Variants in FAM117B observed in about 807,000 individuals in gnomAD.
FAM117B encodes the protein protein FAM117B.
FAM117B carries 22 observed loss-of-function variants against 52.8 expected under a neutral mutation model. The ratio of observed to expected loss-of-function variants is 0.42; its 90% CI spans 0.30 to 0.59. The LOEUF (loss-of-function observed/expected upper bound fraction) is 0.59. FAM117B is among the 20% of genes least tolerant of loss of function. The pLI, the probability that FAM117B is intolerant of heterozygous loss-of-function variation, is 0.22. For synonymous variants in FAM117B, 309 were observed against 324.1 expected (o/e 0.95, Z 0.50); for missense variants, 678 against 802.6 (o/e 0.84, Z 1.88).
intron 4 of FAM117B, among the ~76,000 whole-genome samples, chr2:202,734,816 A>G (rs1691414735): frequency 6.6e-6 from 1 of 152,230 alleles, no homozygotes; most frequent in African/African-American, 2.4e-5. Context: ...TTTCCTTGCC[A>G]ATTTCTTGTT....
intron 2 of FAM117B, among the ~76,000 whole-genome samples, chr2:202,698,423 CT>C (rs986064267): frequency 4.6e-5 from 7 of 151,576 alleles, no homozygotes; most frequent in African/African-American, 1.7e-4. Context: ...CTGAAATTGA[CT>C]TTTTTTTTCT....
At chr2:202,643,349 G>A (rs993182517) in intron 1 of FAM117B, among the ~76,000 whole-genome samples, 2 of 152,250 alleles carry the variant, frequency 1.3e-5, no homozygotes, top group Admixed American at 6.5e-5. Flanking sequence ...ACATGGTAGA[G>A]TCTGGAAATC....
chr2:202,682,826 T>C (rs914446694), intron 1 of FAM117B, among the ~76,000 whole-genome samples: 1 of 152,222 alleles, frequency 6.6e-6, no homozygotes, highest in Non-Finnish European at 1.5e-5. Flanking sequence ...AGTTGCAGAA[T>C]ATTTGGAACT....
Position 202,695,931 on chromosome 2 carries a change from A to G in FAM117B, c.652A>G (p.Thr218Ala). ...AAGCCCCTCCAGTATTATCCGACGC[A>G]CTTCCTCCCTGGATACTCTTGCTGC... is the stretch of plus-strand genomic sequence containing the variant. ...SSSPSSIIRR[T>A]SSLDTLAAPY... The change falls in exon 2 of 8, where the codon ACT becomes GCT. Residue 218 changes from threonine to alanine, a missense_variant. Around this residue, in one of 3 missense-constraint regions of FAM117B, gnomAD observed 583 missense variants for 644.8 expected, o/e 0.90. Transcript: ENST00000392238. 6.2e-7 allele frequency: 1 copy of G among 1,613,834 alleles called. No individual in the cohort carries two copies. Among genetic ancestry groups the G allele is most frequent in the Non-Finnish European group, 8.5e-7 (1 of 1,179,898 alleles).
At chr2:202,716,263 A>G (rs1450184649) in intron 2 of FAM117B, among the ~76,000 whole-genome samples, 1 of 150,692 alleles carries the variant, frequency 6.6e-6, no homozygotes, top group Non-Finnish European at 1.5e-5. Flanking sequence ...TTTTCAGCGT[A>G]TATAGTTTTT....
intron 2 of FAM117B, among the ~76,000 whole-genome samples, chr2:202,700,111 A>T (rs1186334969): frequency 6.6e-6 from 1 of 152,210 alleles, no homozygotes; most frequent in African/African-American, 2.4e-5. Context: ...ACACAACAGT[A>T]TTGAAATTAG....
In FAM117B at chr2:202,746,770, A is replaced by G. The variant is rs370360317; in HGVS notation, c.961-8768A>G. ...AGTAATAAAAATTGTCCCAACAAAGAAAAGCCCAGAACTAAATGGTTTTAC... is the reference window on the plus strand; with the variant it reads ...AGTAATAAAAATTGTCCCAACAAAGGAAAGCCCAGAACTAAATGGTTTTAC... On this transcript the variant is annotated intron_variant, in intron 4 of 7. Coordinates refer to ENST00000392238, the MANE Select transcript of FAM117B (RefSeq NM_173511.4). Among the ~76,000 whole-genome samples, 25 of 152,308 alleles carry G rather than the reference A, an allele frequency of 1.6e-4. No homozygotes were observed. The East Asian group carries it at 4.8e-3, about 29-fold the overall frequency.
intron 4 of FAM117B, among the ~76,000 whole-genome samples, chr2:202,740,088 G>A (rs1691500281): frequency 7.0e-6 from 1 of 142,864 alleles, no homozygotes. Context: ...CAGGAGAATG[G>A]CGTGCACCCA....
intron 7 of FAM117B, among the ~76,000 whole-genome samples, chr2:202,764,981 A>G (rs1691953783): frequency 6.6e-6 from 1 of 152,224 alleles, no homozygotes; most frequent in Non-Finnish European, 1.5e-5. Context: ...CGGACATTGT[A>G]TATCTTTAAT....
intron 1 of FAM117B, among the ~76,000 whole-genome samples, chr2:202,687,379 C>T (rs894846510): frequency 3.9e-5 from 6 of 151,996 alleles, no homozygotes; most frequent in African/African-American, 1.2e-4. Flanking sequence ...GATTTAATGG[C>T]GTATTTGGCT....
chr2:202,765,407 A>G, intron 7 of FAM117B, 39 bp from the exon 8 acceptor site: 1 of 1,486,214 alleles, frequency 6.7e-7, no homozygotes, highest in East Asian at 2.3e-5. Flanking sequence ...TTTTAAGTTC[A>G]GTGACTTAAA....
chr2:202,646,599 C>T (rs1388756384), intron 1 of FAM117B, among the ~76,000 whole-genome samples: 2 of 152,142 alleles, frequency 1.3e-5, no homozygotes, highest in Non-Finnish European at 2.9e-5. Context: ...TTCCATTTCT[C>T]AGGGAACCCA....
chr2:202,761,634 C>T (rs942544548), intron 7 of FAM117B, among the ~76,000 whole-genome samples: 1 of 152,176 alleles, frequency 6.6e-6, no homozygotes, highest in Non-Finnish European at 1.5e-5. Flanking sequence ...TCAAGCAATT[C>T]TCCTGTCTCA....
At chr2:202,677,814 G>T (rs1043753380) in intron 1 of FAM117B, among the ~76,000 whole-genome samples, 1 of 152,108 alleles carries the variant, frequency 6.6e-6, no homozygotes, top group Admixed American at 6.6e-5. Context: ...TTGAATTAAC[G>T]AATTGAGTAA....
At chr2:202,755,109 C>T (rs1454463258) in intron 4 of FAM117B, among the ~76,000 whole-genome samples, 1 of 151,938 alleles carries the variant, frequency 6.6e-6, no homozygotes, top group Non-Finnish European at 1.5e-5. Flanking sequence ...CGTAAGAACT[C>T]ACAGTACTAA....
At chr2:202,664,159 T>G (rs61554934) in intron 1 of FAM117B, among the ~76,000 whole-genome samples, 13,685 of 152,254 alleles carry the variant, frequency 0.09, 2,071 homozygotes, top group African/African-American at 0.31. Flanking sequence ...TCCCATGATA[T>G]CCCTCTTTAA....
chr2:202,692,850 G>A (rs879383006), intron 1 of FAM117B, among the ~76,000 whole-genome samples: 1 of 152,056 alleles, frequency 6.6e-6, no homozygotes. Context: ...AAGCACAAAA[G>A]CAGCCATAGA....
intron 1 of FAM117B, among the ~76,000 whole-genome samples, chr2:202,651,754 TA>T (rs1463830727): frequency 1.3e-5 from 2 of 152,140 alleles, no homozygotes; most frequent in Non-Finnish European, 2.9e-5. Flanking sequence ...GAAAACCATT[TA>T]ATTATATTTT....
At chr2:202,666,293 A>C (rs1040777916) in intron 1 of FAM117B, among the ~76,000 whole-genome samples, 11 of 152,168 alleles carry the variant, frequency 7.2e-5, no homozygotes, top group African/African-American at 2.6e-4. Flanking sequence ...AAAAATAGAA[A>C]CAGTTTACCT....
Sources: allele counts gnomAD v4.1 joint callset (sites outside exome capture counted in the v4.1 genomes callset), GRCh38; gene constraint gnomAD v4.1.1; regional missense constraint gnomAD v4.1.1; transcripts MANE v1.5; gene names NCBI Gene and HGNC (gene_info 2026-07-23, HGNC 2026-07-21).